Variants in ZNHIT3 observed in about 807,000 individuals in gnomAD.
ZNHIT3 encodes the protein zinc finger HIT domain-containing protein 3.
A neutral mutation model predicts 19.9 loss-of-function variants in ZNHIT3; 27 were observed. That is an observed-to-expected ratio of 1.36 (90% CI 1.00 to 1.87). ZNHIT3 has a LOEUF of 1.87. Among genes scored for constraint, ZNHIT3 ranks in the 40% most tolerant of loss-of-function variants. The pLI, the probability that ZNHIT3 is intolerant of heterozygous loss-of-function variation, is 0.00. For synonymous variants in ZNHIT3, 81 were observed against 65.7 expected (o/e 1.23, Z -1.13); for missense variants, 215 against 185.6 (o/e 1.16, Z -0.92).
intron 2 of ZNHIT3, chr17:36,492,100 A>G (rs2070740065): frequency 6.6e-6 from 1 of 152,202 alleles, no homozygotes; most frequent in South Asian, 2.1e-4. Context: ...CATATTGTCA[A>G]ATCTACATTT....
chr17:36,498,482 CAG>C (rs771149117), downstream of ZNHIT3: 32 of 1,613,946 alleles, frequency 2.0e-5, no homozygotes, highest in Non-Finnish European at 2.6e-5. Flanking sequence ...GCGAGGTGCT[CAG>C]GGAACAGGGA....
At chr17:36,492,727 C>A in intron 2 of ZNHIT3, 86 bp from the exon 3 acceptor site, 1 of 1,202,366 alleles carries the variant, frequency 8.3e-7, no homozygotes, top group Non-Finnish European at 1.2e-6. Flanking sequence ...ACACTTGCTT[C>A]CTACCTAGAT....
chr17:36,488,244 T>C (rs1033309855), intron 2 of ZNHIT3, among the ~76,000 whole-genome samples: 2 of 151,772 alleles, frequency 1.3e-5, no homozygotes, highest in African/African-American at 4.8e-5. Flanking sequence ...TGGGCACTTT[T>C]TAAAACCTAG....
intron 2 of ZNHIT3, chr17:36,491,367 T>A (rs2070722851): frequency 6.6e-6 from 1 of 152,270 alleles, no homozygotes; most frequent in African/African-American, 2.4e-5. Context: ...GGTCTTGCTC[T>A]TTTGCCCAGG....
chr17:36,498,226 C>G, downstream of ZNHIT3: 1 of 1,582,828 alleles, frequency 6.3e-7, no homozygotes, highest in South Asian at 1.1e-5. Context: ...TCCTGCTGTT[C>G]TCAGGAACAA....
downstream of ZNHIT3, chr17:36,499,238 CCA>C: frequency 2.0e-6 from 2 of 998,382 alleles, no homozygotes; most frequent in African/African-American, 3.3e-5. Context: ...TGCAGCAGCA[CCA>C]CAGTTGCTGT....
chr17:36,497,043 A>AAAAC (rs2071040296), downstream of ZNHIT3, among the ~76,000 whole-genome samples: 1 of 152,060 alleles, frequency 6.6e-6, no homozygotes, highest in African/African-American at 2.4e-5. Context: ...TGCTTATATA[A>AAAAC]AAACAGCTGG....
chr17:36,488,597 C>G (rs1467413581), intron 2 of ZNHIT3, among the ~76,000 whole-genome samples: 3 of 152,118 alleles, frequency 2.0e-5, no homozygotes, highest in Admixed American at 6.6e-5. Flanking sequence ...AGTTCTAGCT[C>G]ACTGACTTAA....
chr17:36,497,481 G>T, downstream of ZNHIT3: 1 of 945,292 alleles, frequency 1.1e-6, no homozygotes, highest in Middle Eastern at 5.4e-4. Context: ...GTTGTGATGT[G>T]GGACTAATTA....
chr17:36,491,098 A>G (rs2070716436), intron 2 of ZNHIT3: 1 of 152,158 alleles, frequency 6.6e-6, no homozygotes, highest in African/African-American at 2.4e-5. Flanking sequence ...CGTTGGGATT[A>G]CAGACGTGAG....
intron 2 of ZNHIT3, chr17:36,491,242 A>T (rs2070719747): frequency 6.6e-6 from 1 of 152,210 alleles, no homozygotes; most frequent in South Asian, 2.1e-4. Flanking sequence ...TCTCCCTTCG[A>T]AGTCCTAACC....
downstream of ZNHIT3, chr17:36,496,213 G>A: frequency 6.2e-7 from 1 of 1,610,088 alleles, no homozygotes; most frequent in Non-Finnish European, 8.5e-7. Flanking sequence ...CAAGGCAGGG[G>A]GCAGGAAAAG....
chr17:36,489,111 T>C (rs2070663965), intron 2 of ZNHIT3: 1 of 152,262 alleles, frequency 6.6e-6, no homozygotes, highest in Non-Finnish European at 1.5e-5. Flanking sequence ...TTTGGGCTCA[T>C]CCATGTTCCT....
At chr17:36,498,899 T>A, downstream of ZNHIT3, 1 of 603,530 alleles carries the variant, frequency 1.7e-6, no homozygotes, top group Non-Finnish European at 3.0e-6. Context: ...ATAACCACCC[T>A]GCAGGGTAGG....
At position 36,495,279 on chromosome 17, in the gene ZNHIT3, G is replaced by A. The variant is rs1396008232; in HGVS notation, c.343G>A (p.Val115Ile). The A allele has an allele frequency of 1.2e-6, 2 of 1,613,336 alleles. No homozygotes were observed. The highest frequency in any genetic ancestry group is 8.5e-7 in the Non-Finnish European group (1 of 1,179,878). The change falls in exon 5 of 5, where the codon GTC becomes ATC. Residue 115 changes from valine (V) to isoleucine (I), a missense_variant. Coordinates refer to ENST00000617429, the MANE Select transcript of ZNHIT3 (RefSeq NM_004773.4). ...CAATCCACACCTCAGGCAGTTGATG[G>A]TCAACCTCGATCAGGGAGAAGACAA... is the stretch of plus-strand genomic sequence containing the variant. The part of the protein sequence containing the change: ...LLNPHLRQLM[V>I]NLDQGEDKAK...
intron 2 of ZNHIT3, chr17:36,490,302 C>G (rs182579098): frequency 6.6e-6 from 1 of 152,120 alleles, no homozygotes; most frequent in Non-Finnish European, 1.5e-5. Context: ...GTTATTCTTA[C>G]AGTTATCCTA....
downstream of ZNHIT3, chr17:36,498,345 G>C (rs746023508): frequency 2.5e-6 from 4 of 1,613,996 alleles, no homozygotes; most frequent in South Asian, 1.1e-5. Flanking sequence ...GCTGCCCCTG[G>C]GGAGCTGGAG....
Position 36,495,395 on chromosome 17 carries a change from G to A in ZNHIT3, c.459G>A (p.Glu153=). The change falls in exon 5 of 5, where the codon GAG becomes GAA. Residue 153 remains glutamate, a synonymous_variant. Coordinates refer to ENST00000617429, the MANE Select transcript of ZNHIT3 (RefSeq NM_004773.4). ...CLGIVEPSQN[E]ES is the part of the protein sequence containing the mutation. The stretch of plus-strand genomic sequence containing the variant: ...GAATTGTGGAGCCATCCCAGAATGA[G>A]GAGTCTTAAGATGGATTATTGTGCT... 6.2e-7 allele frequency: 1 copy of A among 1,606,422 alleles called. No homozygotes were observed. Among genetic ancestry groups the A allele is most frequent in the Non-Finnish European group, 8.5e-7 (1 of 1,177,216 alleles).
At chr17:36,489,915 C>T (rs922350660) in intron 2 of ZNHIT3, 11 of 151,404 alleles carry the variant, frequency 7.3e-5, no homozygotes, top group Non-Finnish European at 4.4e-5. Flanking sequence ...CCACCATGCC[C>T]GGCCCATTTG....
Sources: gnomAD v4.1 joint callset for allele counts (sites outside exome capture counted in the v4.1 genomes callset) on GRCh38, gnomAD v4.1.1 for gene constraint, MANE v1.5 for transcripts, NCBI Gene and HGNC (gene_info 2026-07-23, HGNC 2026-07-21) for gene names.